Variants in TRPM7 observed in about 807,000 individuals in gnomAD.
TRPM7 encodes LTRPC ion channel family member 7.
A neutral mutation model predicts 229.7 loss-of-function variants in TRPM7; 134 were observed. That is an observed-to-expected ratio of 0.58 (90% CI 0.51 to 0.67). The LOEUF is 0.67. Ranked by LOEUF, TRPM7 falls within the 30% of genes least tolerant of loss-of-function variation. The pLI, the probability that TRPM7 is intolerant of heterozygous loss-of-function variation, is 0.00. For synonymous variants in TRPM7, 699 were observed against 715.2 expected, an observed-to-expected ratio of 0.98 and a Z score of 0.36; for missense variants, 1,901 against 2,210.0, an observed-to-expected ratio of 0.86 and a Z score of 2.80.
At chr15:50,658,937 G>T (rs932238148) in intron 2 of TRPM7, among the ~76,000 whole-genome samples, 3 of 152,154 alleles carry the variant, frequency 2.0e-5, no homozygotes, top group Non-Finnish European at 4.4e-5. Context: ...AGTGGCTCAC[G>T]CCTGTAATGC....
intron 3 of TRPM7, among the ~76,000 whole-genome samples, chr15:50,657,141 T>A (rs1052385090): frequency 6.6e-6 from 1 of 152,072 alleles, no homozygotes; most frequent in Admixed American, 6.5e-5. Context: ...CTGGCCAACA[T>A]GGTGAAACCC....
Position 50,562,140 on chromosome 15 carries a change from C to T in TRPM7, c.5468-332G>A, listed in dbSNP as rs546328006. Among the ~76,000 whole-genome samples the T allele has an allele frequency of 9.2e-5, 14 of 152,248 alleles. No homozygotes were observed. The East Asian group carries it at 2.7e-3, about 29-fold the overall frequency. On this transcript the variant is annotated intron_variant, in intron 38 of 38. Transcript: ENST00000646667. ...TGAACTCCCGTCCTCAGGTGATCCA[C>T]CTGCCTCGGCCTCCCAAAGTGCTGG...
rs2060946377 is a variant in TRPM7, at chr15:50,637,596, A to C, written c.661-3T>G. ...AAGGTTTGATAAGGAGCAACCACCT[A>C]AACAATAGCAAACAAAAGAGTTAGT... is the stretch of plus-strand genomic sequence containing the variant. On this transcript the variant is annotated splice_region_variant and splice_polypyrimidine_tract_variant and intron_variant, in intron 6 of 38. Transcript: ENST00000646667. 1 of 1,608,278 alleles carries C rather than the reference A, an allele frequency of 6.2e-7. No homozygotes were observed. Among genetic ancestry groups the C allele is most frequent in the Non-Finnish European group, 8.5e-7 (1 of 1,177,876 alleles).
chr15:50,576,068 C>G, intron 31 of TRPM7, 149 bp from the exon 32 acceptor site: 1 of 752,942 alleles, frequency 1.3e-6, no homozygotes, highest in Non-Finnish European at 2.1e-6. Flanking sequence ...AATATGTCCA[C>G]TGTGCTATAT....
At chr15:50,586,567 C>T (rs1402755442) in intron 27 of TRPM7, 79 bp from the exon 28 acceptor site, 3 of 861,142 alleles carry the variant, frequency 3.5e-6, no homozygotes, top group Non-Finnish European at 5.6e-6. Context: ...GTATTAGAGT[C>T]CCTTGATCTA....
chr15:50,593,047 T>G (rs1314611696), intron 25 of TRPM7, among the ~76,000 whole-genome samples: 2 of 151,996 alleles, frequency 1.3e-5, no homozygotes, highest in African/African-American at 2.4e-5. Flanking sequence ...TCCCAGAACT[T>G]TGGGAGGCTG....
intron 14 of TRPM7, 83 bp downstream of exon 14, chr15:50,614,040 G>A (rs955663307): frequency 8.6e-6 from 12 of 1,396,860 alleles, no homozygotes; most frequent in East Asian, 6.9e-5. Flanking sequence ...AACCTTCTCC[G>A]TTCTAATGTT....
intron 36 of TRPM7, among the ~76,000 whole-genome samples, chr15:50,573,685 GA>G (rs1271880150): frequency 6.6e-6 from 1 of 152,172 alleles, no homozygotes; most frequent in East Asian, 1.9e-4. Flanking sequence ...TTATACTTTT[GA>G]AATACTAGAC....
intron 25 of TRPM7, among the ~76,000 whole-genome samples, chr15:50,593,346 A>G (rs1223682478): frequency 6.6e-6 from 1 of 152,038 alleles, no homozygotes; most frequent in Non-Finnish European, 1.5e-5. Flanking sequence ...AATGCTGTAA[A>G]ATAGTGAGGA....
At chr15:50,576,766 A>C (rs2054154466) in intron 31 of TRPM7, among the ~76,000 whole-genome samples, 1 of 152,214 alleles carries the variant, frequency 6.6e-6, no homozygotes, top group African/African-American at 2.4e-5. Context: ...GCAAGAGTAC[A>C]GGGATAACTG....
chr15:50,568,447 A>G (rs528377252), intron 38 of TRPM7, among the ~76,000 whole-genome samples: 1 of 152,364 alleles, frequency 6.6e-6, no homozygotes, highest in Admixed American at 6.5e-5. Flanking sequence ...GCTCAAAAAA[A>G]TCAATGGCAT....
Position 50,561,543 on chromosome 15 carries a change from T to C in TRPM7, c.*135A>G. 1.1e-6 allele frequency: 1 copy of C among 929,208 alleles called. No individual in the cohort carries two copies. Among genetic ancestry groups the C allele is most frequent in the Middle Eastern group, 3.4e-4 (1 of 2,976 alleles). The allele number at this position is 929,208 out of a possible 1,614,324, so 57.6% of individuals were successfully genotyped here. On this transcript the variant is annotated 3_prime_UTR_variant, in exon 39 of 39. Transcript: ENST00000646667. ...TCAGGTCAAAAGAATATTGACCTTT[T>C]AACTGTGCTGGAGTCAGCAAATTCA... is the stretch of plus-strand genomic sequence containing the variant.
rs1049316528 is a variant in TRPM7, at chr15:50,648,858, T to C, written c.150A>G (p.Gln50=). ...VRCFCGRLVK[Q]HACFTASLAM... ...CAAGACTTGCAGTAAAACAAGCATG[T>C]TGCTTGACCAAGCGACCACAAAAAC... Residue 50 remains glutamine (Q), a synonymous_variant, in exon 4 of 39, where the codon CAA becomes CAG. Transcript: ENST00000646667. 2.5e-6 allele frequency: 4 copies of C among 1,610,482 alleles called. No homozygotes were observed. Among genetic ancestry groups the C allele is most frequent in the South Asian group, 1.1e-5 (1 of 90,416 alleles).
intron 23 of TRPM7, 93 bp from the exon 24 acceptor site, chr15:50,594,706 T>C: frequency 1.2e-6 from 1 of 861,816 alleles, no homozygotes; most frequent in Non-Finnish European, 1.7e-6. Flanking sequence ...CTGTACTAAA[T>C]AATAATTCAA....
intron 11 of TRPM7, among the ~76,000 whole-genome samples, chr15:50,625,910 G>A (rs12442787): frequency 1.3e-5 from 2 of 150,600 alleles, no homozygotes; most frequent in Admixed American, 6.6e-5. Flanking sequence ...TCATGGCATC[G>A]TACTATTTTA....
At chr15:50,605,436 TTTTA>T (rs758166682) in intron 20 of TRPM7, among the ~76,000 whole-genome samples, 1 of 152,216 alleles carries the variant, frequency 6.6e-6, no homozygotes, top group Non-Finnish European at 1.5e-5. Context: ...TGAAAAATTG[TTTTA>T]TTTCAAATTA....
intron 21 of TRPM7, among the ~76,000 whole-genome samples, chr15:50,602,094 T>G (rs1179257341): frequency 2.6e-5 from 4 of 152,072 alleles, no homozygotes; most frequent in Non-Finnish European, 5.9e-5. Context: ...GTATGTTTAC[T>G]GTGGCACTAT....
At chr15:50,649,022 G>A (rs2061345124) in intron 3 of TRPM7, 137 bp from the exon 4 acceptor site, 1 of 544,086 alleles carries the variant, frequency 1.8e-6, no homozygotes, top group African/African-American at 1.9e-5. Context: ...TAAGCTTTTT[G>A]ATTTTAGGAT....
At chr15:50,668,470 T>C (rs905102889) in intron 1 of TRPM7, among the ~76,000 whole-genome samples, 5 of 152,184 alleles carry the variant, frequency 3.3e-5, no homozygotes, top group African/African-American at 4.8e-5. Context: ...TTGGAGACTA[T>C]TTATGAGTAC....
Sources: gnomAD v4.1 joint callset for allele counts (sites outside exome capture counted in the v4.1 genomes callset) on GRCh38, gnomAD v4.1.1 for gene constraint, MANE v1.5 for transcripts, NCBI Gene and HGNC (gene_info 2026-07-23, HGNC 2026-07-21) for gene names.